Variants in CNTN5 observed in about 807,000 individuals in gnomAD.
CNTN5 encodes contactin-5.
Under a neutral mutation model 129.1 loss-of-function variants are expected in CNTN5, and 77 were observed. The observed-to-expected ratio is 0.60, with a 90% CI of 0.50 to 0.72. The LOEUF is 0.72. CNTN5 is among the 30% of genes least tolerant of loss of function. The pLI, the probability that CNTN5 is intolerant of heterozygous loss-of-function variation, is 0.00. For synonymous variants in CNTN5, 509 were observed against 465.6 expected (o/e 1.09, Z -1.20); for missense variants, 1,478 against 1,328.8 (o/e 1.11, Z -1.75).
At chr11:99,705,073 C>T (rs910190900) in intron 3 of CNTN5, among the ~76,000 whole-genome samples, 5 of 151,356 alleles carry the variant, frequency 3.3e-5, no homozygotes, top group African/African-American at 1.2e-4. Flanking sequence ...TTAGCTGTAT[C>T]TTCCAATATC....
chr11:99,261,562 C>T (rs1404329012), intron 1 of CNTN5, among the ~76,000 whole-genome samples: 1 of 151,926 alleles, frequency 6.6e-6, no homozygotes, highest in East Asian at 1.9e-4. Context: ...AAAATAAATG[C>T]TAATGCCAAA....
At chr11:99,170,923 A>G (rs1051867480) in intron 1 of CNTN5, among the ~76,000 whole-genome samples, 1 of 152,196 alleles carries the variant, frequency 6.6e-6, no homozygotes, top group Non-Finnish European at 1.5e-5. Flanking sequence ...ACCTTTAGAA[A>G]CACATTTCTA....
At chr11:99,089,303 A>T (rs1866136316) in intron 1 of CNTN5, among the ~76,000 whole-genome samples, 1 of 152,172 alleles carries the variant, frequency 6.6e-6, no homozygotes, top group Non-Finnish European at 1.5e-5. Context: ...TCTTGTAAAT[A>T]GCATTTATAT....
At chr11:99,903,072 T>C (rs1949401171) in intron 6 of CNTN5, among the ~76,000 whole-genome samples, 1 of 152,094 alleles carries the variant, frequency 6.6e-6, no homozygotes, top group Non-Finnish European at 1.5e-5. Flanking sequence ...TGCAAATCTA[T>C]GTTACTTGAT....
chr11:99,824,392 T>C (rs1490796882), intron 4 of CNTN5, among the ~76,000 whole-genome samples: 1 of 152,022 alleles, frequency 6.6e-6, no homozygotes, highest in Non-Finnish European at 1.5e-5. Context: ...TATTGGACAT[T>C]CTGGTTTTTT....
chr11:99,305,773 G>GAGTTCGGC (rs1342480038), intron 1 of CNTN5, among the ~76,000 whole-genome samples: 4 of 151,980 alleles, frequency 2.6e-5, no homozygotes, highest in Non-Finnish European at 2.9e-5. Flanking sequence ...CTGAGGTCGG[G>GAGTTCGGC]AGTTCGGGAC....
chr11:100,146,528 T>G (rs777471487), intron 13 of CNTN5, among the ~76,000 whole-genome samples: 2 of 152,138 alleles, frequency 1.3e-5, no homozygotes, highest in Non-Finnish European at 2.9e-5. Flanking sequence ...CTCTCATTAT[T>G]TCAAGTTTTG....
chr11:99,498,599 G>A (rs982375340), intron 2 of CNTN5, among the ~76,000 whole-genome samples: 5 of 152,028 alleles, frequency 3.3e-5, no homozygotes, highest in Admixed American at 6.6e-5. Flanking sequence ...ATTCAGATAC[G>A]GAGTTTGAAT....
intron 4 of CNTN5, among the ~76,000 whole-genome samples, chr11:99,843,813 C>G (rs1304179058): frequency 6.6e-6 from 1 of 152,146 alleles, no homozygotes; most frequent in Non-Finnish European, 1.5e-5. Context: ...GAAACCTGAT[C>G]TAGGGCTATT....
chr11:100,122,236 G>A (rs1304327038), intron 13 of CNTN5, among the ~76,000 whole-genome samples: 3 of 152,030 alleles, frequency 2.0e-5, no homozygotes, highest in Non-Finnish European at 4.4e-5. Flanking sequence ...AGGTGGAATG[G>A]TATAAGTCTT....
At chr11:99,354,192 T>A (rs1025761263) in intron 2 of CNTN5, among the ~76,000 whole-genome samples, 4 of 152,238 alleles carry the variant, frequency 2.6e-5, no homozygotes, top group African/African-American at 9.6e-5. Context: ...AATGCTCATT[T>A]AGTATAACAT....
chr11:99,066,270 A>AT (rs753960248), intron 1 of CNTN5, among the ~76,000 whole-genome samples: 2 of 151,606 alleles, frequency 1.3e-5, no homozygotes, highest in Non-Finnish European at 2.9e-5. Context: ...CGCCCAGCTA[A>AT]TTTTTTGTAT....
intron 2 of CNTN5, among the ~76,000 whole-genome samples, chr11:99,390,991 A>T (rs1219558831): frequency 6.6e-6 from 1 of 152,066 alleles, no homozygotes; most frequent in Non-Finnish European, 1.5e-5. Context: ...TAATAACTCA[A>T]AAATGATTTT....
chr11:99,609,409 C>G lies in CNTN5; in HGVS notation c.55+53140C>G, dbSNP rs192833694. Among the ~76,000 whole-genome samples, 321 of 152,204 alleles carry G rather than the reference C, an allele frequency of 2.1e-3. 1 individual carries two copies. Among genetic ancestry groups the G allele is most frequent in the African/African-American group, 7.0e-3 (291 of 41,544 alleles). On this transcript the variant is annotated intron_variant, in intron 3 of 24. Coordinates refer to ENST00000524871, the MANE Select transcript of CNTN5 (RefSeq NM_014361.4). ...TAATACTAGTGGTTATGGGTGATAC[C>G]TGTGCAGATCAGAAAGACCCCACCT...
intron 9 of CNTN5, among the ~76,000 whole-genome samples, chr11:100,019,608 G>A (rs1941020468): frequency 6.6e-6 from 1 of 151,904 alleles, no homozygotes; most frequent in Non-Finnish European, 1.5e-5. Context: ...GGACTCTTAA[G>A]CTGATTGCGT....
chr11:99,824,820 T>A (rs1406734926), intron 4 of CNTN5, among the ~76,000 whole-genome samples: 1 of 152,052 alleles, frequency 6.6e-6, no homozygotes, highest in Non-Finnish European at 1.5e-5. Context: ...GTCAGTGATC[T>A]CCACTGATTT....
chr11:100,133,828 G>C (rs1006813473), intron 13 of CNTN5, among the ~76,000 whole-genome samples: 2 of 152,102 alleles, frequency 1.3e-5, no homozygotes, highest in Non-Finnish European at 2.9e-5. Context: ...CTGGTAACTG[G>C]AGTTAAAAAT....
At chr11:100,059,429 T>C (rs1271103806) in intron 9 of CNTN5, among the ~76,000 whole-genome samples, 1 of 152,012 alleles carries the variant, frequency 6.6e-6, no homozygotes, top group East Asian at 1.9e-4. Context: ...GGCACCATCA[T>C]AAACTAACAA....
chr11:100,106,701 G>A (rs998182207), intron 13 of CNTN5, among the ~76,000 whole-genome samples: 4 of 152,064 alleles, frequency 2.6e-5, no homozygotes, highest in Non-Finnish European at 5.9e-5. Flanking sequence ...TGGAAGATGA[G>A]AAGACTATCC....
Sources: allele counts gnomAD v4.1 joint callset (sites outside exome capture counted in the v4.1 genomes callset), GRCh38; gene constraint gnomAD v4.1.1; transcripts MANE v1.5; gene names NCBI Gene and HGNC (gene_info 2026-07-23, HGNC 2026-07-21).